Variants in NRXN3 observed in about 807,000 individuals in gnomAD.
NRXN3 encodes neurexin III.
Under a neutral mutation model 137.6 loss-of-function variants are expected in NRXN3, and 32 were observed. The observed-to-expected ratio is 0.23, with a 90% CI of 0.18 to 0.31. The LOEUF is 0.31. Ranked by LOEUF, NRXN3 falls within the 10% of genes least tolerant of loss-of-function variation. NRXN3 has a pLI of 1.00. For synonymous variants in NRXN3, 798 were observed against 784.5 expected, an observed-to-expected ratio of 1.02 and a Z score of -0.29; for missense variants, 1,574 against 2,062.5, an observed-to-expected ratio of 0.76 and a Z score of 4.59.
chr14:78,292,599 T>C (rs1372952777), intron 3 of NRXN3, among the ~76,000 whole-genome samples: 1 of 152,208 alleles, frequency 6.6e-6, no homozygotes, highest in Non-Finnish European at 1.5e-5. Flanking sequence ...TCTTATATTT[T>C]TGTAATTATT....
intron 19 of NRXN3, among the ~76,000 whole-genome samples, chr14:79,764,166 G>C (rs868149983): frequency 8.8e-5 from 2 of 22,716 alleles, no homozygotes; most frequent in Admixed American, 4.7e-4. Flanking sequence ...TTTGGTGGGT[G>C]GGGGGGGTGT....
At chr14:79,500,247 A>AAC (rs1430394067) in intron 16 of NRXN3, among the ~76,000 whole-genome samples, 2 of 150,412 alleles carry the variant, frequency 1.3e-5, no homozygotes, top group East Asian at 1.9e-4. Context: ...AAAAAAAAAA[A>AAC]AAAAAAAAAC....
intron 4 of NRXN3, among the ~76,000 whole-genome samples, chr14:78,591,730 C>T (rs1017592439): frequency 1.3e-5 from 2 of 152,166 alleles, no homozygotes; most frequent in African/African-American, 2.4e-5. Flanking sequence ...GGTTGTTTGA[C>T]CAGCTTCTAC....
intron 4 of NRXN3, among the ~76,000 whole-genome samples, chr14:78,432,558 A>G (rs1361051357): frequency 6.6e-6 from 1 of 152,208 alleles, no homozygotes; most frequent in Non-Finnish European, 1.5e-5. Flanking sequence ...TCTTTCCAGC[A>G]GGTGAGAAGC....
intron 4 of NRXN3, among the ~76,000 whole-genome samples, chr14:78,385,532 T>C (rs1267168241): frequency 6.6e-6 from 1 of 152,214 alleles, no homozygotes; most frequent in Non-Finnish European, 1.5e-5. Context: ...CCTGAACTTA[T>C]AGAGAATAAC....
intron 20 of NRXN3, among the ~76,000 whole-genome samples, chr14:79,850,238 GA>G (rs1264687909): frequency 6.6e-6 from 1 of 152,158 alleles, no homozygotes; most frequent in Non-Finnish European, 1.5e-5. Flanking sequence ...AGTGTTGCAC[GA>G]AGACTGTTGA....
intron 14 of NRXN3, among the ~76,000 whole-genome samples, chr14:78,983,616 T>A (rs1308998782): frequency 6.6e-6 from 1 of 152,016 alleles, no homozygotes; most frequent in East Asian, 1.9e-4. Context: ...CCCAGCACTT[T>A]GGGAGGCCGA....
intron 16 of NRXN3, among the ~76,000 whole-genome samples, chr14:79,504,670 T>TATATATATATATATATATATAA (rs1297701522): frequency 9.8e-5 from 14 of 143,104 alleles, no homozygotes; most frequent in African/African-American, 3.7e-4. Context: ...TATATATATA[T>TATATATATATATATATATATAA]ATATAAAACA....
At chr14:79,767,058 C>A (rs191346674) in intron 19 of NRXN3, among the ~76,000 whole-genome samples, 1 of 152,158 alleles carries the variant, frequency 6.6e-6, no homozygotes, top group Non-Finnish European at 1.5e-5. Flanking sequence ...TGAGCCAGAA[C>A]ATTAATGCAA....
rs1020096126 is a variant in NRXN3 at position 79,642,265 on chromosome 14, A to C, written c.3445-21513A>C. On this transcript the variant is annotated intron_variant, in intron 16 of 20. Transcript: ENST00000335750. ...AATGTTTTTATAGAGATTCTGTTCC[A>C]CTTAGCGATCCTATTGAACCCCTGG... is the stretch of plus-strand genomic sequence containing the variant. Among the ~76,000 whole-genome samples the C allele has an allele frequency of 2.9e-5, 4 of 135,604 alleles. 1 individual carries two copies. The highest frequency in any genetic ancestry group is 9.8e-5 in the African/African-American group (4 of 40,770). 89.0% of individuals were successfully genotyped at this position (135,604 alleles called of 152,430 possible).
intron 15 of NRXN3, among the ~76,000 whole-genome samples, chr14:79,326,040 G>C (rs1405635003): frequency 1.3e-5 from 2 of 152,198 alleles, no homozygotes; most frequent in African/African-American, 4.8e-5. Flanking sequence ...GCAGTGATGA[G>C]ATAAAAGCAG....
intron 15 of NRXN3, among the ~76,000 whole-genome samples, chr14:79,013,030 T>C (rs1040945909): frequency 1.3e-5 from 2 of 152,158 alleles, no homozygotes; most frequent in Admixed American, 1.3e-4. Flanking sequence ...TTGAAGGTGG[T>C]AGCGAAACAC....
intron 4 of NRXN3, among the ~76,000 whole-genome samples, chr14:78,423,844 T>C (rs927973505): frequency 7.2e-5 from 11 of 152,334 alleles, no homozygotes; most frequent in African/African-American, 2.4e-4. Flanking sequence ...GTTTATAGTA[T>C]TATTATGAAA....
intron 15 of NRXN3, among the ~76,000 whole-genome samples, chr14:79,415,159 G>A (rs1382229059): frequency 3.3e-5 from 5 of 152,034 alleles, no homozygotes; most frequent in Admixed American, 2.6e-4. Context: ...TTGATATAAT[G>A]TCTTGGCTTT....
intron 16 of NRXN3, among the ~76,000 whole-genome samples, chr14:79,504,655 G>GATATA (rs2096857663): frequency 9.6e-6 from 1 of 104,220 alleles, no homozygotes; most frequent in Non-Finnish European, 2.1e-5. Flanking sequence ...ATATATATAT[G>GATATA]TATATATATA....
At chr14:79,166,982 C>A (rs1014051313) in intron 15 of NRXN3, among the ~76,000 whole-genome samples, 1 of 151,940 alleles carries the variant, frequency 6.6e-6, no homozygotes, top group Non-Finnish European at 1.5e-5. Flanking sequence ...ATATTTATCA[C>A]TGTTAGTGGT....
intron 16 of NRXN3, among the ~76,000 whole-genome samples, chr14:79,608,755 C>T (rs897871888): frequency 3.3e-5 from 5 of 151,978 alleles, no homozygotes; most frequent in Non-Finnish European, 7.4e-5. Flanking sequence ...GACATGTAAA[C>T]TGAAAAACAC....
At chr14:78,224,711 T>C (rs548109712) in intron 1 of NRXN3, among the ~76,000 whole-genome samples, 22 of 151,632 alleles carry the variant, frequency 1.5e-4, no homozygotes, top group African/African-American at 5.3e-4. Context: ...GTCTTTGCTA[T>C]TGTGAATAGT....
chr14:79,118,699 C>T (rs73324748), intron 15 of NRXN3, among the ~76,000 whole-genome samples: 6,576 of 152,236 alleles, frequency 0.043, 521 homozygotes, highest in African/African-American at 0.15. Flanking sequence ...TGGTTAGATA[C>T]AAGTGTAAGA....
Sources: allele counts gnomAD v4.1 joint callset (sites outside exome capture counted in the v4.1 genomes callset), GRCh38; gene constraint gnomAD v4.1.1; transcripts MANE v1.5; gene names NCBI Gene and HGNC (gene_info 2026-07-23, HGNC 2026-07-21).